The following LARGE1 variants were observed in gnomAD, a reference collection of about 807,000 sequenced individuals.
LARGE1 encodes LARGE xylosyl- and glucuronyltransferase 1.
LARGE1 carries 43 observed loss-of-function variants against 87.6 expected under a neutral mutation model. The observed-to-expected ratio is 0.49, with a 90% confidence interval of 0.38 to 0.63. LARGE1 has a LOEUF of 0.63. Among genes scored for constraint, LARGE1 ranks in the 30% least tolerant of loss-of-function variants. The pLI is 0.00. For missense variants in LARGE1, 802 were observed against 1,000.2 expected (o/e 0.80, Z 2.67); for synonymous variants, 434 against 394.6 (o/e 1.10, Z -1.18).
At chr22:33,139,118 C>T in the LARGE1 span, among the ~76,000 whole-genome samples, 1 of 152,100 alleles carries the variant, frequency 6.6e-6, no homozygotes, top group Admixed American at 6.5e-5. Context: ...GTGAGGCTTC[C>T]CCAGCCACGT....
exon 12 of LARGE1, chr22:33,164,329 G>A (rs769978086): frequency 9.9e-5 from 15 of 152,128 alleles, no homozygotes; most frequent in African/African-American, 1.9e-4. Flanking sequence ...CCAGGAGCTC[G>A]AAGTTCCCAA....
At chr22:33,914,236 T>A (rs1601907695) in intron 1 of LARGE1, among the ~76,000 whole-genome samples, 2 of 152,188 alleles carry the variant, frequency 1.3e-5, no homozygotes, top group African/African-American at 4.8e-5. Context: ...TAAGTCACTT[T>A]GCATTTTTCC....
chr22:33,503,666 G>A (rs1018827010), intron 6 of LARGE1, among the ~76,000 whole-genome samples: 13 of 151,608 alleles, frequency 8.6e-5, no homozygotes, highest in African/African-American at 1.9e-4. Flanking sequence ...GGGTGCGGTC[G>A]TGGGTGCCTG....
chr22:33,653,386 G>T (rs558664910), intron 2 of LARGE1, among the ~76,000 whole-genome samples: 1 of 152,330 alleles, frequency 6.6e-6, no homozygotes, highest in South Asian at 2.1e-4. Flanking sequence ...TATGTGCTAA[G>T]TTAGAGGTAA....
the LARGE1 span, among the ~76,000 whole-genome samples, chr22:33,150,039 G>A: frequency 5.3e-5 from 8 of 152,158 alleles, no homozygotes; most frequent in Admixed American, 5.2e-4. Context: ...AAAAATAAAA[G>A]TAGAAATGGA....
chr22:33,409,458 A>G (rs1347450366), intron 7 of LARGE1, among the ~76,000 whole-genome samples: 1 of 152,178 alleles, frequency 6.6e-6, no homozygotes, highest in Non-Finnish European at 1.5e-5. Context: ...GGCTTTCTCC[A>G]TCAGGGCACT....
chr22:33,515,696 C>T (rs2071272587), intron 6 of LARGE1, among the ~76,000 whole-genome samples: 1 of 152,152 alleles, frequency 6.6e-6, no homozygotes, highest in Non-Finnish European at 1.5e-5. Context: ...AGTCCCCGGA[C>T]TTAATCTGCC....
intron 11 of LARGE1, among the ~76,000 whole-genome samples, chr22:33,168,622 C>T (rs998227588): frequency 6.6e-6 from 1 of 152,338 alleles, no homozygotes; most frequent in African/African-American, 2.4e-5. Context: ...CATGCCATCT[C>T]TTTTAATCCT....
intron 2 of LARGE1, among the ~76,000 whole-genome samples, chr22:33,748,538 T>G (rs1243854521): frequency 6.6e-6 from 1 of 152,210 alleles, no homozygotes; most frequent in East Asian, 1.9e-4. Flanking sequence ...GGACTCGTTT[T>G]CATCTTGCAA....
chr22:33,720,436 A>C (rs2083060501), intron 2 of LARGE1, among the ~76,000 whole-genome samples: 1 of 152,126 alleles, frequency 6.6e-6, no homozygotes, highest in Admixed American at 6.5e-5. Context: ...ACGGACTGGT[A>C]CCAGGGGCTG....
chr22:33,762,466 G>A (rs943746877), intron 1 of LARGE1, among the ~76,000 whole-genome samples: 1 of 152,120 alleles, frequency 6.6e-6, no homozygotes, highest in Non-Finnish European at 1.5e-5. Context: ...GCCAAGGCAA[G>A]GAGATGGGAG....
intron 1 of LARGE1, among the ~76,000 whole-genome samples, chr22:33,762,312 C>T (rs1345205134): frequency 6.6e-6 from 1 of 150,422 alleles, no homozygotes; most frequent in African/African-American, 2.4e-5. Flanking sequence ...TCTATAACAA[C>T]CCCAAGCTGA....
chr22:33,348,916 TATGA>T (rs1354383252), intron 9 of LARGE1, among the ~76,000 whole-genome samples: 5 of 152,076 alleles, frequency 3.3e-5, no homozygotes, highest in African/African-American at 1.2e-4. Flanking sequence ...TTCTCTTGAT[TATGA>T]ATAAGTCTCA....
At chr22:33,834,654 TGGTGGTCTCTTCACAC>T (rs1286398397) in intron 1 of LARGE1, among the ~76,000 whole-genome samples, 3 of 152,250 alleles carry the variant, frequency 2.0e-5, no homozygotes, top group Non-Finnish European at 4.4e-5. Flanking sequence ...AAAGCCTGTT[TGGTGGTCTCTTCACAC>T]GGACGCGAGT....
intron 5 of LARGE1, among the ~76,000 whole-genome samples, chr22:33,596,152 C>T (rs2078971077): frequency 6.6e-6 from 1 of 152,172 alleles, no homozygotes; most frequent in Non-Finnish European, 1.5e-5. Flanking sequence ...GGACAAGAAC[C>T]ATTCATTAGA....
intron 11 of LARGE1, among the ~76,000 whole-genome samples, chr22:33,267,139 C>T (rs1327689238): frequency 1.3e-5 from 2 of 151,646 alleles, no homozygotes; most frequent in East Asian, 3.8e-4. Flanking sequence ...ACTCAGGAGG[C>T]TGAGGTACAA....
chr22:33,420,096 T>G (rs1390775728), intron 7 of LARGE1, among the ~76,000 whole-genome samples: 2 of 152,116 alleles, frequency 1.3e-5, no homozygotes, highest in Non-Finnish European at 2.9e-5. Context: ...ACAAGAAAAA[T>G]GTCTCCAGAC....
intron 3 of LARGE1, among the ~76,000 whole-genome samples, chr22:33,649,243 A>G (rs16992698): frequency 0.049 from 7,409 of 152,250 alleles, 530 homozygotes; most frequent in African/African-American, 0.16. Flanking sequence ...CTTAGTCTAC[A>G]TCACTGAGGA....
At chr22:33,359,412 A>C (rs1425319245) in intron 9 of LARGE1, among the ~76,000 whole-genome samples, 2 of 152,144 alleles carry the variant, frequency 1.3e-5, no homozygotes, top group Non-Finnish European at 2.9e-5. Context: ...CATGCCTGGA[A>C]CACCATTCCC....
Sources: gnomAD v4.1 joint callset for allele counts (sites outside exome capture counted in the v4.1 genomes callset) on GRCh38, gnomAD v4.1.1 for gene constraint, MANE v1.5 for transcripts, NCBI Gene and HGNC (gene_info 2026-07-23, HGNC 2026-07-21) for gene names.